Variants in ROCK2 observed in about 807,000 individuals in gnomAD.
The protein encoded by ROCK2 is Rho associated coiled-coil containing protein kinase 2, also known as rho-associated protein kinase 2.
Under a neutral mutation model 195.1 loss-of-function variants are expected in ROCK2, and 61 were observed. That is an observed-to-expected ratio of 0.31 (90% confidence interval 0.25 to 0.39). ROCK2 has a LOEUF of 0.39. Ranked by LOEUF, ROCK2 falls within the 10% of genes least tolerant of loss-of-function variation. The pLI is 1.00. For synonymous variants in ROCK2, 504 were observed against 545.5 expected, an observed-to-expected ratio of 0.92 and a Z score of 1.06; for missense variants, 1,109 against 1,637.4, an observed-to-expected ratio of 0.68 and a Z score of 5.57.
intron 3 of ROCK2, among the ~76,000 whole-genome samples, chr2:11,265,586 G>C (rs1391069779): frequency 6.6e-6 from 1 of 152,114 alleles, no homozygotes; most frequent in Non-Finnish European, 1.5e-5. Flanking sequence ...GATACAAAAA[G>C]GGTGGTTACC....
chr2:11,269,965 G>T, intron 3 of ROCK2, among the ~76,000 whole-genome samples: 1 of 152,078 alleles, frequency 6.6e-6, no homozygotes. Flanking sequence ...TGTTGCCCAG[G>T]CCGGTCTCAA....
rs188247437 is a variant in ROCK2, at chr2:11,237,066, T to C, written c.463-1104A>G. Among the ~76,000 whole-genome samples, 1,081 of 152,220 alleles carry C rather than the reference T, an allele frequency of 7.1e-3. 13 individuals are homozygous for C. Among genetic ancestry groups the C allele is most frequent in the African/African-American group, 0.025 (1,030 of 41,536 alleles). ...ACTTGGGAGGCTGAGGCAGGAGAAC[T>C]GCTTGAACCCCGGAGGCGGAGGTTG... On this transcript the variant is annotated intron_variant, in intron 4 of 32. Coordinates refer to ENST00000315872, the MANE Select transcript of ROCK2 (RefSeq NM_004850.5).
chr2:11,281,204 T>A (rs10168440), intron 3 of ROCK2, among the ~76,000 whole-genome samples: 2 of 134,458 alleles, frequency 1.5e-5, no homozygotes, highest in Admixed American at 7.5e-5. Context: ...ACCCACTCAT[T>A]ATTTAAAAAA....
At chr2:11,285,613 G>A (rs565035611) in intron 3 of ROCK2, among the ~76,000 whole-genome samples, 24 of 152,186 alleles carry the variant, frequency 1.6e-4, no homozygotes, top group African/African-American at 5.5e-4. Flanking sequence ...GATCCCTTGA[G>A]TCCAGAAATT....
At chr2:11,290,854 T>C (rs1667341179) in intron 1 of ROCK2, among the ~76,000 whole-genome samples, 1 of 152,112 alleles carries the variant, frequency 6.6e-6, no homozygotes, top group Admixed American at 6.6e-5. Context: ...AACATCTTAT[T>C]GCCCAAGTTT....
chr2:11,216,232 A>G, intron 12 of ROCK2, 26 bp from the exon 13 acceptor site: 2 of 1,485,496 alleles, frequency 1.3e-6, no homozygotes, highest in African/African-American at 1.4e-5. Context: ...AAGAAACAGT[A>G]AATAACTTCT....
intron 1 of ROCK2, among the ~76,000 whole-genome samples, chr2:11,296,005 G>GGGGAGAGGGGGAGACAGAGAGAGA (rs766082679): frequency 9.7e-5 from 1 of 10,342 alleles, no homozygotes; most frequent in South Asian, 6.5e-3. Context: ...GAGAGAGAGA[G>GGGGAGAGGGGGAGACAGAGAGAGA]GAGAGAGAGA....
intron 1 of ROCK2, among the ~76,000 whole-genome samples, chr2:11,336,748 A>C (rs762150435): frequency 2.0e-5 from 3 of 151,994 alleles, no homozygotes; most frequent in Non-Finnish European, 4.4e-5. Flanking sequence ...ATAACTGGAT[A>C]ATTATGTGGA....
At chr2:11,330,329 T>C (rs1668678953) in intron 1 of ROCK2, among the ~76,000 whole-genome samples, 1 of 152,226 alleles carries the variant, frequency 6.6e-6, no homozygotes, top group Admixed American at 6.5e-5. Flanking sequence ...GTTATTGAAT[T>C]GTGCCTTGGC....
At chr2:11,286,315 T>G (rs1467670029) in intron 3 of ROCK2, among the ~76,000 whole-genome samples, 1 of 149,622 alleles carries the variant, frequency 6.7e-6, no homozygotes, top group Non-Finnish European at 1.5e-5. Flanking sequence ...GCAGATCACA[T>G]GTGAAGCTAT....
At chr2:11,265,311 AAG>A (rs1462541304) in intron 3 of ROCK2, among the ~76,000 whole-genome samples, 1 of 152,176 alleles carries the variant, frequency 6.6e-6, no homozygotes, top group African/African-American at 2.4e-5. Flanking sequence ...TCAAATTAAT[AAG>A]AGTAGTTCTC....
intron 9 of ROCK2, among the ~76,000 whole-genome samples, chr2:11,220,665 A>G (rs1293454546): frequency 2.6e-5 from 4 of 152,160 alleles, no homozygotes; most frequent in African/African-American, 7.2e-5. Context: ...ATGTATGCTC[A>G]CATTCCAAAC....
intron 20 of ROCK2, among the ~76,000 whole-genome samples, chr2:11,204,922 T>C (rs1224738491): frequency 3.3e-5 from 5 of 152,204 alleles, no homozygotes; most frequent in African/African-American, 1.2e-4. Context: ...AATCTTCCTC[T>C]TTCAGATTGC....
At chr2:11,313,148 T>C (rs1668087232) in intron 1 of ROCK2, among the ~76,000 whole-genome samples, 2 of 152,094 alleles carry the variant, frequency 1.3e-5, no homozygotes, top group African/African-American at 4.8e-5. Context: ...TGTATCAACA[T>C]TGGTTCATTA....
At chr2:11,257,867 G>C (rs1290249391) in intron 3 of ROCK2, among the ~76,000 whole-genome samples, 1 of 151,424 alleles carries the variant, frequency 6.6e-6, no homozygotes, top group Non-Finnish European at 1.5e-5. Context: ...ATAATGGAGT[G>C]ATGTATTCTC....
intron 1 of ROCK2, among the ~76,000 whole-genome samples, chr2:11,298,559 C>T (rs905481352): frequency 7.9e-5 from 12 of 151,592 alleles, no homozygotes; most frequent in African/African-American, 2.4e-4. Flanking sequence ...TTTTCACATA[C>T]CTTTTCTAAT....
intron 1 of ROCK2, among the ~76,000 whole-genome samples, chr2:11,293,041 T>C (rs1171829330): frequency 1.3e-5 from 2 of 152,206 alleles, no homozygotes; most frequent in African/African-American, 4.8e-5. Flanking sequence ...CCACGCTTCC[T>C]GTACAGCCTA....
intron 1 of ROCK2, among the ~76,000 whole-genome samples, chr2:11,326,214 G>GA (rs1668545069): frequency 7.1e-6 from 1 of 140,254 alleles, no homozygotes; most frequent in South Asian, 2.5e-4. Flanking sequence ...ACAAAACCAA[G>GA]ATGGCAAATG....
intron 3 of ROCK2, among the ~76,000 whole-genome samples, chr2:11,272,818 C>T (rs1666685676): frequency 7.3e-6 from 1 of 137,456 alleles, no homozygotes; most frequent in Non-Finnish European, 1.5e-5. Context: ...TACAGTGAGC[C>T]AAGATGGTGC....
Sources: allele counts gnomAD v4.1 joint callset (sites outside exome capture counted in the v4.1 genomes callset), GRCh38; gene constraint gnomAD v4.1.1; transcripts MANE v1.5; gene names NCBI Gene and HGNC (gene_info 2026-07-23, HGNC 2026-07-21).